Variants in SLC25A21 observed in about 807,000 individuals in gnomAD.
The protein encoded by SLC25A21 is mitochondrial 2-oxodicarboxylate carrier.
A neutral mutation model predicts 43.8 loss-of-function variants in SLC25A21; 47 were observed. The observed-to-expected ratio is 1.07, with a 90% CI of 0.85 to 1.37. SLC25A21 has a LOEUF of 1.37. SLC25A21 is among the 40% of genes most tolerant of loss of function. SLC25A21 has a pLI of 0.00. For missense variants in SLC25A21, 352 were observed against 350.2 expected (o/e 1.00, Z -0.04); for synonymous variants, 131 against 121.3 (o/e 1.08, Z -0.52).
chr14:37,158,322 A>G (rs1361911531), intron 1 of SLC25A21, among the ~76,000 whole-genome samples: 1 of 152,088 alleles, frequency 6.6e-6, no homozygotes, highest in Non-Finnish European at 1.5e-5. Context: ...CATAGACATA[A>G]AAATCCTCAA....
At chr14:36,979,431 C>A (rs1435650168) in intron 1 of SLC25A21, among the ~76,000 whole-genome samples, 1 of 151,676 alleles carries the variant, frequency 6.6e-6, no homozygotes, top group Non-Finnish European at 1.5e-5. Flanking sequence ...TAGTGGCTCA[C>A]TGCAGCCTCC....
At chr14:37,054,069 A>G (rs999184216) in intron 1 of SLC25A21, among the ~76,000 whole-genome samples, 8 of 152,196 alleles carry the variant, frequency 5.3e-5, no homozygotes, top group African/African-American at 1.9e-4. Context: ...AATACAATGA[A>G]GTGGAAACAA....
intron 3 of SLC25A21, among the ~76,000 whole-genome samples, chr14:36,776,428 C>A (rs866846593): frequency 6.6e-6 from 1 of 151,406 alleles, no homozygotes; most frequent in Non-Finnish European, 1.5e-5. Context: ...TTAGTAGAAA[C>A]GGGGTTTCAC....
intron 1 of SLC25A21, among the ~76,000 whole-genome samples, chr14:37,059,588 T>C (rs1336448713): frequency 6.6e-6 from 1 of 152,082 alleles, no homozygotes; most frequent in Non-Finnish European, 1.5e-5. Context: ...TTGGGAAAGG[T>C]TAACCGAAAC....
At chr14:37,077,311 G>C (rs930388834) in intron 1 of SLC25A21, among the ~76,000 whole-genome samples, 7 of 152,148 alleles carry the variant, frequency 4.6e-5, no homozygotes, top group Non-Finnish European at 1.0e-4. Flanking sequence ...GGAAAATAAT[G>C]TCTTGATTTT....
At chr14:36,950,008 C>G (rs1412197065) in intron 1 of SLC25A21, among the ~76,000 whole-genome samples, 1 of 152,128 alleles carries the variant, frequency 6.6e-6, no homozygotes, top group African/African-American at 2.4e-5. Flanking sequence ...AATGTACAGT[C>G]TGACTCTCCA....
At chr14:36,731,841 C>A (rs1884838699) in intron 4 of SLC25A21, among the ~76,000 whole-genome samples, 1 of 152,154 alleles carries the variant, frequency 6.6e-6, no homozygotes, top group Admixed American at 6.5e-5. Flanking sequence ...TGGACTCTGG[C>A]TGCCCTGCTC....
At chr14:37,120,539 C>G (rs1467164985) in intron 1 of SLC25A21, among the ~76,000 whole-genome samples, 1 of 152,122 alleles carries the variant, frequency 6.6e-6, no homozygotes, top group Non-Finnish European at 1.5e-5. Context: ...AAACAGCTGC[C>G]AAACTCCACA....
intron 1 of SLC25A21, among the ~76,000 whole-genome samples, chr14:36,995,207 C>CA (rs1237965647): frequency 6.6e-6 from 1 of 152,156 alleles, no homozygotes; most frequent in Non-Finnish European, 1.5e-5. Context: ...ATCAAAATGT[C>CA]ACGCTACAAA....
At chr14:37,005,880 A>T (rs1392780165) in intron 1 of SLC25A21, among the ~76,000 whole-genome samples, 1 of 152,228 alleles carries the variant, frequency 6.6e-6, no homozygotes, top group Non-Finnish European at 1.5e-5. Flanking sequence ...TTTTCTCTTC[A>T]TAAAAAATAG....
chr14:37,068,427 G>T (rs953305166), intron 1 of SLC25A21, among the ~76,000 whole-genome samples: 2 of 151,944 alleles, frequency 1.3e-5, no homozygotes, highest in African/African-American at 4.8e-5. Context: ...AAGGTATGAT[G>T]ATTTTTTTTG....
At chr14:37,092,860 A>G (rs1962615213) in intron 1 of SLC25A21, among the ~76,000 whole-genome samples, 1 of 151,982 alleles carries the variant, frequency 6.6e-6, no homozygotes, top group Non-Finnish European at 1.5e-5. Flanking sequence ...CTTGTACCCA[A>G]GAGAATTCTG....
intron 1 of SLC25A21, among the ~76,000 whole-genome samples, chr14:37,015,200 C>G (rs1277283223): frequency 2.7e-5 from 3 of 112,540 alleles, no homozygotes; most frequent in Admixed American, 2.3e-4. Context: ...CCTCCCCCCA[C>G]CCCACAACAG....
At chr14:37,056,421 G>A (rs1167160692) in intron 1 of SLC25A21, among the ~76,000 whole-genome samples, 2 of 151,290 alleles carry the variant, frequency 1.3e-5, no homozygotes, top group Non-Finnish European at 2.9e-5. Flanking sequence ...ACCCCGGGGG[G>A]CGGAGTGTGC....
intron 7 of SLC25A21, among the ~76,000 whole-genome samples, chr14:36,695,412 A>G (rs1246395269): frequency 6.6e-6 from 1 of 152,184 alleles, no homozygotes; most frequent in African/African-American, 2.4e-5. Context: ...TCGGTTCCAT[A>G]TGAATTTTAA....
At chr14:37,067,557 G>A (rs775688003) in intron 1 of SLC25A21, among the ~76,000 whole-genome samples, 12 of 152,048 alleles carry the variant, frequency 7.9e-5, no homozygotes, top group African/African-American at 7.2e-5. Flanking sequence ...TACTACAAGC[G>A]GAAGGAAAGT....
chr14:37,099,653 TTTTATTTATA>T (rs2138862547), intron 1 of SLC25A21, among the ~76,000 whole-genome samples: 1 of 152,304 alleles, frequency 6.6e-6, no homozygotes, highest in Admixed American at 6.5e-5. Flanking sequence ...GTTTACTTTC[TTTTATTTATA>T]GAATAAGAAT....
intron 3 of SLC25A21, among the ~76,000 whole-genome samples, chr14:36,752,922 C>T (rs1885763893): frequency 6.6e-6 from 1 of 152,112 alleles, no homozygotes. Context: ...CTGAGGCCTC[C>T]CAGACATACT....
chr14:36,792,862 C>T (rs1412948862), intron 3 of SLC25A21, among the ~76,000 whole-genome samples: 2 of 152,108 alleles, frequency 1.3e-5, no homozygotes, highest in Non-Finnish European at 2.9e-5. Context: ...CCCAATGCCA[C>T]CAAGAGTTCC....
Sources: gnomAD v4.1 joint callset for allele counts (sites outside exome capture counted in the v4.1 genomes callset) on GRCh38, gnomAD v4.1.1 for gene constraint, MANE v1.5 for transcripts, NCBI Gene and HGNC (gene_info 2026-07-23, HGNC 2026-07-21) for gene names.